The following CCDC171 variants were observed in gnomAD, a reference collection of about 807,000 sequenced individuals.
CCDC171 encodes coiled-coil domain-containing protein 171.
In CCDC171, 177 loss-of-function variants were observed where a neutral mutation model predicts 168.2. The ratio of observed to expected loss-of-function variants is 1.05; its 90% CI spans 0.93 to 1.19. The LOEUF is 1.19. Among genes scored for constraint, CCDC171 ranks in the 50% most tolerant of loss-of-function variants. CCDC171 has a pLI of 0.00. For missense variants in CCDC171, 1,991 were observed against 1,539.0 expected (o/e 1.29, Z -4.91); for synonymous variants, 687 against 540.8 (o/e 1.27, Z -3.75).
chr9:16,050,163 A>G (rs1833727913), intron 1 of CCDC171, among the ~76,000 whole-genome samples: 1 of 152,016 alleles, frequency 6.6e-6, no homozygotes, highest in East Asian at 1.9e-4. Flanking sequence ...CTGGGATTAC[A>G]GGCATGAGCC....
chr9:15,837,257 A>T (rs983975592), intron 21 of CCDC171, among the ~76,000 whole-genome samples: 2 of 152,170 alleles, frequency 1.3e-5, no homozygotes, highest in African/African-American at 4.8e-5. Context: ...CTGACATTTT[A>T]AAGCATCACC....
chr9:16,069,441 G>A, the CCDC171 span, among the ~76,000 whole-genome samples: 1 of 152,252 alleles, frequency 6.6e-6, no homozygotes, highest in Admixed American at 6.5e-5. Context: ...GTGTGTGTGC[G>A]TGGAGACCAT....
intron 6 of CCDC171, among the ~76,000 whole-genome samples, chr9:15,607,686 C>T (rs1229657071): frequency 6.6e-6 from 1 of 152,110 alleles, no homozygotes; most frequent in Admixed American, 6.6e-5. Context: ...TATTCTTGAA[C>T]TCCTGAGCTC....
chr9:15,661,154 C>G (rs1026715377), intron 8 of CCDC171, among the ~76,000 whole-genome samples: 1 of 151,970 alleles, frequency 6.6e-6, no homozygotes, highest in Admixed American at 6.5e-5. Flanking sequence ...GTGGCGGGCG[C>G]CTGTAGTCCC....
chr9:16,057,060 G>C (rs544191288), intron 1 of CCDC171, among the ~76,000 whole-genome samples: 1 of 152,278 alleles, frequency 6.6e-6, no homozygotes, highest in East Asian at 1.9e-4. Context: ...AGTTTAAGAA[G>C]AAACAATAAC....
intron 11 of CCDC171, among the ~76,000 whole-genome samples, chr9:15,699,786 A>G (rs1003792139): frequency 3.5e-4 from 52 of 148,628 alleles, no homozygotes; most frequent in African/African-American, 1.2e-3. Flanking sequence ...AGGTTCTCCA[A>G]GGTCCCACCA....
chr9:15,896,864 G>A (rs539180861), intron 24 of CCDC171, among the ~76,000 whole-genome samples: 29 of 152,156 alleles, frequency 1.9e-4, no homozygotes, highest in South Asian at 1.0e-3. Context: ...ATGTAGGACC[G>A]AATATGGGCT....
At chr9:15,795,373 T>C (rs1039564371) in intron 21 of CCDC171, among the ~76,000 whole-genome samples, 83 of 152,292 alleles carry the variant, frequency 5.5e-4, no homozygotes, top group African/African-American at 1.9e-3. Context: ...CACTGTTGCA[T>C]TGGGGATTAA....
chr9:15,587,193 T>G (rs988954972), intron 4 of CCDC171, among the ~76,000 whole-genome samples: 1 of 152,134 alleles, frequency 6.6e-6, no homozygotes. Flanking sequence ...GGAGGACTCT[T>G]TTGTGTATCA....
At chr9:15,688,889 G>T (rs2050594029) in intron 10 of CCDC171, among the ~76,000 whole-genome samples, 1 of 152,152 alleles carries the variant, frequency 6.6e-6, no homozygotes, top group South Asian at 2.1e-4. Flanking sequence ...AAAGGCATCA[G>T]TTTTGGAAAG....
intron 24 of CCDC171, among the ~76,000 whole-genome samples, chr9:15,879,231 A>G (rs1019351010): frequency 1.3e-5 from 2 of 152,198 alleles, no homozygotes; most frequent in Non-Finnish European, 2.9e-5. Flanking sequence ...TCACATGCAC[A>G]TATTATTTAT....
Position 15,777,707 on chromosome 9 carries a change from A to T in CCDC171, c.2779A>T (p.Ser927Cys), listed in dbSNP as rs375617610. 2 of 1,613,718 alleles carry T rather than the reference A, an allele frequency of 1.2e-6. No individual in the cohort carries two copies. The highest frequency in any genetic ancestry group is 1.7e-6 in the Non-Finnish European group (2 of 1,179,832). Residue 927 changes from serine (S) to cysteine (C), a missense_variant, in exon 19 of 26, where the codon AGT becomes TGT. Ser to Cys is a moderately radical substitution (Grantham distance 112, BLOSUM62 -1). Transcript: ENST00000380701. Reference sequence around the variant, plus strand: ...GGTAATGGAATGTATACCTCTGCACAGTAGCAGGAGTATTACATATGTAGA... The same window carrying T: ...GGTAATGGAATGTATACCTCTGCACTGTAGCAGGAGTATTACATATGTAGA... ...SLVMECIPLH[S>C]SRSITYVEKD...
chr9:15,585,846 C>T (rs533790358), intron 4 of CCDC171, among the ~76,000 whole-genome samples: 1 of 152,138 alleles, frequency 6.6e-6, no homozygotes, highest in Admixed American at 6.5e-5. Flanking sequence ...CATGGTAGTG[C>T]ACGCCTGTAA....
At chr9:15,567,571 G>A (rs1020345748) in intron 2 of CCDC171, among the ~76,000 whole-genome samples, 2 of 152,150 alleles carry the variant, frequency 1.3e-5, no homozygotes, top group African/African-American at 2.4e-5. Flanking sequence ...TTACATGAAT[G>A]TGAGTATGGT....
intron 6 of CCDC171, among the ~76,000 whole-genome samples, chr9:15,618,918 C>A: frequency 6.6e-6 from 1 of 152,134 alleles, no homozygotes; most frequent in South Asian, 2.1e-4. Flanking sequence ...GCGTTGGTCT[C>A]GCTGGGAGCT....
intron 23 of CCDC171, among the ~76,000 whole-genome samples, chr9:15,868,498 T>TGTGAGA (rs113322618): frequency 1.1e-4 from 17 of 148,928 alleles, no homozygotes; most frequent in East Asian, 4.0e-4. Context: ...TGTGTGTGTG[T>TGTGAGA]GAGAGAGAGA....
chr9:15,591,332 G>A (rs754171361), intron 4 of CCDC171, 34 bp from the exon 5 acceptor site: 1 of 1,352,208 alleles, frequency 7.4e-7, no homozygotes, highest in Non-Finnish European at 1.0e-6. Context: ...TTAATTCATG[G>A]TTGTAAATGT....
chr9:15,713,480 T>G (rs929595055), intron 11 of CCDC171, among the ~76,000 whole-genome samples: 1 of 152,194 alleles, frequency 6.6e-6, no homozygotes, highest in Non-Finnish European at 1.5e-5. Context: ...GCCACTTTCA[T>G]TTGATGATAG....
chr9:15,810,209 G>A (rs554809686), intron 21 of CCDC171, among the ~76,000 whole-genome samples: 1 of 152,240 alleles, frequency 6.6e-6, no homozygotes, highest in South Asian at 2.1e-4. Context: ...TAGATACAGA[G>A]TGCTGATTGG....
Sources: allele counts gnomAD v4.1 joint callset (sites outside exome capture counted in the v4.1 genomes callset), GRCh38; gene constraint gnomAD v4.1.1; transcripts MANE v1.5; gene names NCBI Gene and HGNC (gene_info 2026-07-23, HGNC 2026-07-21).